Variants in PARD3B observed in about 807,000 individuals in gnomAD.
PARD3B encodes the protein partitioning defective 3 homolog B.
A neutral mutation model predicts 130.2 loss-of-function variants in PARD3B; 103 were observed. The observed-to-expected ratio is 0.79, with a 90% CI of 0.67 to 0.93. PARD3B has a LOEUF of 0.93. PARD3B is among the 40% of genes least tolerant of loss of function. The pLI is 0.00. For missense variants in PARD3B, 1,609 were observed against 1,499.2 expected (o/e 1.07, Z -1.21); for synonymous variants, 583 against 553.2 (o/e 1.05, Z -0.76).
At chr2:205,521,369 TG>T (rs1178029552) in intron 21 of PARD3B, among the ~76,000 whole-genome samples, 2 of 152,104 alleles carry the variant, frequency 1.3e-5, no homozygotes, top group African/African-American at 4.8e-5. Context: ...GTTCTTGATG[TG>T]GAAAGAATAT....
chr2:205,540,413 AT>A (rs543564047), intron 21 of PARD3B, among the ~76,000 whole-genome samples: 2 of 151,958 alleles, frequency 1.3e-5, no homozygotes, highest in Non-Finnish European at 2.9e-5. Flanking sequence ...CTCTTTTCAC[AT>A]TTTTTGGTGG....
chr2:204,774,115 T>C (rs2041509375), intron 2 of PARD3B, among the ~76,000 whole-genome samples: 1 of 152,040 alleles, frequency 6.6e-6, no homozygotes, highest in South Asian at 2.1e-4. Context: ...GGACTCCTCT[T>C]GATTTCTGCT....
At chr2:204,561,515 T>G (rs753953728) in intron 1 of PARD3B, among the ~76,000 whole-genome samples, 12 of 151,946 alleles carry the variant, frequency 7.9e-5, no homozygotes, top group Non-Finnish European at 1.8e-4. Context: ...GCAGCTCCAT[T>G]CCTGCCAGGT....
rs746307921 is a variant in PARD3B at position 205,176,243 on chromosome 2, GCACCACAGTGTCAGTA to G, written c.1792-200_1792-185del. 2.6e-5 allele frequency among the ~76,000 whole-genome samples: 4 copies of G among 152,128 alleles called. No homozygotes were observed. Among genetic ancestry groups the G allele is most frequent in the African/African-American group, 4.8e-5 (2 of 41,416 alleles). ...TGGCTATCAGCACTCCTAATCCTTA[GCACCACAGTGTCAGTA>G]CTTTTTATTTTAGACTCAAAGATGT... On this transcript the variant is annotated intron_variant, in intron 12 of 22. Coordinates refer to ENST00000406610, the MANE Select transcript of PARD3B (RefSeq NM_001302769.2). This position sits in a 1 kb window ranked among gnomAD's most constrained non-coding sequence, Gnocchi z 5.3.
intron 11 of PARD3B, among the ~76,000 whole-genome samples, chr2:205,166,224 A>G (rs1386427456): frequency 1.3e-5 from 2 of 152,232 alleles, no homozygotes; most frequent in African/African-American, 2.4e-5. Context: ...GATAAGAGCT[A>G]TGATAGGCAA....
chr2:204,876,761 TA>T (rs1362646479), intron 2 of PARD3B, among the ~76,000 whole-genome samples: 1 of 152,136 alleles, frequency 6.6e-6, no homozygotes. Flanking sequence ...ATTTTACCAG[TA>T]GGGGCCTCTG....
intron 18 of PARD3B, among the ~76,000 whole-genome samples, chr2:205,384,696 C>G (rs1045200625): frequency 6.6e-6 from 1 of 152,090 alleles, no homozygotes; most frequent in South Asian, 2.1e-4. Flanking sequence ...ACTTAACATA[C>G]ATGGATAGGT....
At chr2:204,596,956 C>CTA (rs2033320524) in intron 1 of PARD3B, among the ~76,000 whole-genome samples, 1 of 151,342 alleles carries the variant, frequency 6.6e-6, no homozygotes, top group African/African-American at 2.4e-5. Flanking sequence ...CTCTCTCTCT[C>CTA]TCTCTCTATA....
chr2:204,916,320 T>C (rs975226533), intron 2 of PARD3B, among the ~76,000 whole-genome samples: 14 of 152,236 alleles, frequency 9.2e-5, no homozygotes, highest in Admixed American at 6.5e-5. Flanking sequence ...CATGGTTGTT[T>C]TGAACTTTAT....
At chr2:205,320,518 A>T (rs1472103386) in intron 18 of PARD3B, among the ~76,000 whole-genome samples, 5 of 152,234 alleles carry the variant, frequency 3.3e-5, no homozygotes, top group Non-Finnish European at 7.3e-5. Context: ...TATAGGATGT[A>T]ATAGAAATTC....
rs369877344 is a variant in PARD3B, at chr2:204,749,662, G to A, written c.222+63380G>A. On this transcript the variant is annotated intron_variant, in intron 2 of 22. Coordinates refer to ENST00000406610, the MANE Select transcript of PARD3B (RefSeq NM_001302769.2). ...ATATTTCTCCTTGGTTCTCGATACG[G>A]TTTAAAAGCTAACCTGAACAACTCT... 3.3e-4 allele frequency among the ~76,000 whole-genome samples: 50 copies of A among 152,242 alleles called. No individual in the cohort carries two copies. In the South Asian group the frequency reaches 5.6e-3, roughly 17 times the overall value.
intron 2 of PARD3B, among the ~76,000 whole-genome samples, chr2:204,918,304 T>A (rs567794878): frequency 1.1e-4 from 16 of 152,358 alleles, no homozygotes; most frequent in Admixed American, 3.9e-4. Context: ...GAGAAATTTC[T>A]TTGCTAGACT....
At chr2:204,602,745 C>T (rs910406627) in intron 1 of PARD3B, among the ~76,000 whole-genome samples, 2 of 151,980 alleles carry the variant, frequency 1.3e-5, no homozygotes, top group Non-Finnish European at 2.9e-5. Flanking sequence ...ATCCTTATAC[C>T]TCTTATCATG....
At chr2:205,163,919 C>T (rs1160452683) in intron 11 of PARD3B, among the ~76,000 whole-genome samples, 1 of 152,116 alleles carries the variant, frequency 6.6e-6, no homozygotes. Context: ...CCTTGAGGAT[C>T]CTTACTGGTA....
chr2:204,949,087 A>G (rs537289702), intron 2 of PARD3B, among the ~76,000 whole-genome samples: 1 of 152,314 alleles, frequency 6.6e-6, no homozygotes, highest in Non-Finnish European at 1.5e-5. Flanking sequence ...TTTTTATGAG[A>G]TAAAACTATT....
intron 4 of PARD3B, among the ~76,000 whole-genome samples, chr2:205,055,864 A>T (rs182807988): frequency 1.3e-5 from 2 of 152,296 alleles, no homozygotes; most frequent in East Asian, 3.9e-4. Context: ...TATTTTTTAA[A>T]TGCCACACAC....
chr2:204,801,123 G>A (rs1254190439), intron 2 of PARD3B, among the ~76,000 whole-genome samples: 2 of 152,110 alleles, frequency 1.3e-5, no homozygotes, highest in Non-Finnish European at 2.9e-5. Context: ...CTGTAGCCTT[G>A]TATTATAGTT....
At chr2:204,858,938 T>C (rs2045070442) in intron 2 of PARD3B, among the ~76,000 whole-genome samples, 2 of 151,788 alleles carry the variant, frequency 1.3e-5, no homozygotes, top group Non-Finnish European at 2.9e-5. Flanking sequence ...CACAAAATTA[T>C]GCATCATTCT....
chr2:205,304,726 A>G (rs1369820250), intron 18 of PARD3B, among the ~76,000 whole-genome samples: 4 of 152,106 alleles, frequency 2.6e-5, no homozygotes, highest in African/African-American at 7.2e-5. Flanking sequence ...ACTTGAGCCC[A>G]GGAGTTATAA....
Sources: allele counts gnomAD v4.1 joint callset (sites outside exome capture counted in the v4.1 genomes callset), GRCh38; gene constraint gnomAD v4.1.1; non-coding constraint Gnocchi (gnomAD v3.1); transcripts MANE v1.5; gene names NCBI Gene and HGNC (gene_info 2026-07-23, HGNC 2026-07-21).